ATG9A: variants seen among roughly 807,000 people sequenced by gnomAD.
The protein encoded by ATG9A is autophagy related 9A, also known as autophagy-related protein 9A.
Under a neutral mutation model 87.1 loss-of-function variants are expected in ATG9A, and 21 were observed. The observed-to-expected ratio is 0.24, with a 90% confidence interval of 0.17 to 0.35. The LOEUF is 0.35. Ranked by LOEUF, ATG9A falls within the 10% of genes least tolerant of loss-of-function variation. ATG9A has a pLI of 1.00. For missense variants in ATG9A, 836 were observed against 1,107.3 expected (o/e 0.76, Z 3.48); for synonymous variants, 422 against 441.3 (o/e 0.96, Z 0.55).
rs570442088 is a variant in ATG9A, at chr2:219,223,173, C to T, written c.1600-280G>A. 4.9e-4 allele frequency among the ~76,000 whole-genome samples: 74 copies of T among 151,668 alleles called. No homozygotes were observed. Among genetic ancestry groups the T allele is most frequent in the Admixed American group, 1.1e-3 (17 of 15,252 alleles). ...CGTGATCTCGGCTCACTGCAAGCTC[C>T]GCCTCCCAGGTTCACGCCATTCTCC... On this transcript the variant is annotated intron_variant, in intron 10 of 15. Coordinates refer to ENST00000361242, the MANE Select transcript of ATG9A (RefSeq NM_001077198.3). This position sits in a 1 kb window ranked among gnomAD's most constrained non-coding sequence, Gnocchi z 4.7.
At chr2:219,228,773 C>T (rs1183043174) in intron 1 of ATG9A, 1 of 152,236 alleles carries the variant, frequency 6.6e-6, no homozygotes, top group African/African-American at 2.4e-5. Flanking sequence ...TCTCCATTGC[C>T]CTACCTTAGC....
chr2:219,225,528 C>A lies in ATG9A; in HGVS notation c.257G>T (p.Cys86Phe), dbSNP rs1176737944. ...GGCAAATAGGATGTCATAGTCCACG[C>A]AGCTGACCAGGAAGGTAGTGAAGGC... Reference protein sequence around the residue: ...VVAFTTFLVSCVDYDILFANK... With the variant: ...VVAFTTFLVSFVDYDILFANK... Residue 86 changes from cysteine to phenylalanine, a missense_variant, in exon 6 of 16, where the codon TGC (cysteine) becomes TTC (phenylalanine). Coordinates refer to ENST00000361242, the MANE Select transcript of ATG9A (RefSeq NM_001077198.3). 6.2e-7 allele frequency: 1 copy of A among 1,614,154 alleles called. No individual in the cohort carries two copies. The highest frequency in any genetic ancestry group is 8.5e-7 in the Non-Finnish European group (1 of 1,180,016).
intron 1 of ATG9A, 77 bp from the exon 2 acceptor site, chr2:219,228,562 C>G (rs1410708237): frequency 6.5e-6 from 1 of 152,954 alleles, no homozygotes; most frequent in African/African-American, 2.4e-5. Flanking sequence ...GCCATCCACA[C>G]CCCACCAAGA....
Position 219,223,391 on chromosome 2 carries a change from T to G in ATG9A, c.1599+194A>C, listed in dbSNP as rs533136074. On this transcript the variant is annotated intron_variant, in intron 10 of 15. Coordinates refer to ENST00000361242, the MANE Select transcript of ATG9A (RefSeq NM_001077198.3). This position sits in a 1 kb window ranked among gnomAD's most constrained non-coding sequence, Gnocchi z 4.7. ...ACGTGAGCCACCGCGCCTGGCCGTGTTGTGCCTTTCTTAAGGGAGCTTGGC... is the reference window on the plus strand; with the variant it reads ...ACGTGAGCCACCGCGCCTGGCCGTGGTGTGCCTTTCTTAAGGGAGCTTGGC... Among the ~76,000 whole-genome samples, 54 of 152,264 alleles carry G rather than the reference T, an allele frequency of 3.5e-4. No homozygotes were observed. Among genetic ancestry groups the G allele is most frequent in the African/African-American group, 1.2e-3 (50 of 41,564 alleles).
Position 219,221,175 on chromosome 2 carries a change from C to G in ATG9A, c.2273G>C (p.Arg758Pro), listed in dbSNP as rs377367353. The G allele has an allele frequency of 8.7e-6, 14 of 1,603,330 alleles. No individual in the cohort carries two copies. Among genetic ancestry groups the G allele is most frequent in the Non-Finnish European group, 1.1e-5 (13 of 1,175,138 alleles). Residue 758 changes from arginine (R) to proline (P), a missense_variant, in exon 14 of 16, where the codon CGC becomes CCC. Physicochemically the swap from Arg to Pro is moderately radical, Grantham distance 103. Coordinates refer to ENST00000361242, the MANE Select transcript of ATG9A (RefSeq NM_001077198.3). Reference protein sequence around the residue: ...EGARAPQSIPRSASYPCAAPR... With the variant: ...EGARAPQSIPPSASYPCAAPR... The stretch of plus-strand genomic sequence containing the variant: ...TGCTGCACAGGGATAGCTAGCAGAG[C>G]GAGGGATAGACTGGGGGGCCCGGGC...
intron 13 of ATG9A, 135 bp downstream of exon 13, chr2:219,221,915 G>T: frequency 1.3e-6 from 1 of 775,592 alleles, no homozygotes; most frequent in Non-Finnish European, 2.0e-6. Context: ...AGCAGGCTTA[G>T]CTAAAAAGGA....
intron 13 of ATG9A, among the ~76,000 whole-genome samples, chr2:219,221,754 G>A (rs958283018): frequency 6.6e-6 from 1 of 152,122 alleles, no homozygotes; most frequent in Non-Finnish European, 1.5e-5. Flanking sequence ...AGGAGGGTGG[G>A]CAAGGGAGCC....
Position 219,220,735 on chromosome 2 carries a change from C to T in ATG9A, c.2514+12G>A, listed in dbSNP as rs1295357313. The stretch of plus-strand genomic sequence containing the variant: ...ATTTCTGGCAGTTTTTCCTAGGCCC[C>T]GGGGCCCTTACCTTGTGCACCTGAG... On this transcript the variant is annotated intron_variant, in intron 15 of 15. Coordinates refer to ENST00000361242, the MANE Select transcript of ATG9A (RefSeq NM_001077198.3). 18 of 1,610,334 alleles carry T rather than the reference C, an allele frequency of 1.1e-5. No individual in the cohort carries two copies. Among genetic ancestry groups the T allele is most frequent in the African/African-American group, 4.0e-5 (3 of 74,760 alleles).
chr2:219,220,990 T>G, intron 14 of ATG9A, 90 bp downstream of exon 14: 1 of 1,592,558 alleles, frequency 6.3e-7, no homozygotes, highest in Non-Finnish European at 8.6e-7. Flanking sequence ...TTGGGCCTGT[T>G]CTCTCAGACC....
intron 14 of ATG9A, 56 bp from the exon 15 acceptor site, chr2:219,220,948 C>G (rs1950744664): frequency 6.2e-7 from 1 of 1,606,004 alleles, no homozygotes; most frequent in South Asian, 1.1e-5. Flanking sequence ...GAATGAGGAA[C>G]AGGGCTGGGG....
Position 219,222,512 on chromosome 2 carries a change from G to A in ATG9A, c.1849-62C>T, listed in dbSNP as rs1321255127. The A allele has an allele frequency of 1.3e-6, 2 of 1,554,368 alleles. No homozygotes were observed. The highest frequency in any genetic ancestry group is 1.7e-6 in the Non-Finnish European group (2 of 1,149,392). On this transcript the variant is annotated intron_variant, in intron 11 of 15. Coordinates refer to ENST00000361242, the MANE Select transcript of ATG9A (RefSeq NM_001077198.3). The surrounding 1 kb of genome is among the most constrained non-coding windows in gnomAD (Gnocchi z 4.3). ...AGAGAAAGGTCTCTGGGGTCCCCTA[G>A]TATTCTGTATCTCAGGCCCCAGTGG...
In ATG9A at chr2:219,220,339, C is replaced by A; in HGVS notation, c.*108G>T. ...CAGGCACAGACACACAAACACCACA[C>A]ACGTGGGGCCAGGGAACACTCAGAG... On this transcript the variant is annotated 3_prime_UTR_variant, in exon 16 of 16. Coordinates refer to ENST00000361242, the MANE Select transcript of ATG9A (RefSeq NM_001077198.3). The A allele has an allele frequency of 7.0e-7, 1 of 1,429,102 alleles. No individual in the cohort carries two copies. The highest frequency in any genetic ancestry group is 9.7e-7 in the Non-Finnish European group (1 of 1,027,500). 88.5% of individuals were successfully genotyped at this position (1,429,102 alleles called of 1,614,324 possible).
intron 5 of ATG9A, among the ~76,000 whole-genome samples, chr2:219,226,168 C>T (rs969293544): frequency 2.0e-5 from 3 of 152,008 alleles, no homozygotes; most frequent in South Asian, 4.2e-4. Flanking sequence ...TGGAGTGCAG[C>T]GGCACAATCT....
At position 219,225,405 on chromosome 2, in the gene ATG9A, C is replaced by T; in HGVS notation, c.374+6G>A. The T allele has an allele frequency of 1.9e-6, 3 of 1,613,636 alleles. No individual in the cohort carries two copies. The highest frequency in any genetic ancestry group is 4.5e-5 in the East Asian group (2 of 44,888). On this transcript the variant is annotated splice_donor_region_variant and intron_variant, in intron 6 of 15. Coordinates refer to ENST00000361242, the MANE Select transcript of ATG9A (RefSeq NM_001077198.3). ...CTATGGTGTCCTCTTGACTTGCAGC[C>T]CTTACCTGGCACTACAGACTTGAGC...
At position 219,225,169 on chromosome 2, in the gene ATG9A, C is replaced by G; in HGVS notation, c.418G>C (p.Gly140Arg). The part of the protein sequence containing the change: ...GSLITILVIA[G>R]VFWIHRLIKF... The stretch of plus-strand genomic sequence containing the variant: ...ATAAGCCGGTGGATCCAGAAGACAC[C>G]AGCAATGACCAGGATGGTGATAAGG... The change falls in exon 7 of 16, where the codon GGT becomes CGT. Residue 140 changes from glycine (G) to arginine (R), a missense_variant. Around this residue, in one of 2 missense-constraint regions of ATG9A, gnomAD observed 512 missense variants for 759.6 expected, o/e 0.67. Coordinates refer to ENST00000361242, the MANE Select transcript of ATG9A (RefSeq NM_001077198.3). The G allele has an allele frequency of 1.2e-6, 2 of 1,614,090 alleles. No homozygotes were observed. Among genetic ancestry groups the G allele is most frequent in the Non-Finnish European group, 1.7e-6 (2 of 1,180,026 alleles).
chr2:219,221,882 A>T (rs1950767822), intron 13 of ATG9A, among the ~76,000 whole-genome samples, 168 bp downstream of exon 13: 2 of 152,282 alleles, frequency 1.3e-5, no homozygotes, highest in South Asian at 4.1e-4. Context: ...GGAAACTGCG[A>T]GTGTGTGAAG....
At position 219,220,312 on chromosome 2, in the gene ATG9A, G is replaced by A; in HGVS notation, c.*135C>T. On this transcript the variant is annotated 3_prime_UTR_variant, in exon 16 of 16. Coordinates refer to ENST00000361242, the MANE Select transcript of ATG9A (RefSeq NM_001077198.3). ...AAGCCCAGTGTTGGCACCTCCCTTG[G>A]CCAGGCACAGACACACAAACACCAC... 8.1e-7 allele frequency: 1 copy of A among 1,239,726 alleles called. No homozygotes were observed. Among genetic ancestry groups the A allele is most frequent in the Non-Finnish European group, 1.1e-6 (1 of 881,722 alleles). The allele number at this position is 1,239,726 out of a possible 1,614,324, so 76.8% of individuals were successfully genotyped here.
chr2:219,220,502 A>G (rs1559242100), intron 15 of ATG9A, 50 bp from the exon 16 acceptor site: 3 of 1,609,034 alleles, frequency 1.9e-6, no homozygotes, highest in Non-Finnish European at 2.6e-6. Context: ...CTTCTGGTTG[A>G]TACCTGCTAG....
Position 219,224,348 on chromosome 2 carries a change from GC to G in ATG9A, c.1022del (p.Arg341ProfsTer25). 1 of 1,613,742 alleles carries G rather than the reference GC, an allele frequency of 6.2e-7. No individual in the cohort carries two copies. Among genetic ancestry groups the G allele is most frequent in the Non-Finnish European group, 8.5e-7 (1 of 1,180,028 alleles). ...GCTCGTGCTCCAGCTCGTTGAAGTG[GC>G]GGAGGTAGCAGCGGCCATAGAGTGA... is the stretch of plus-strand genomic sequence containing the variant. The part of the protein sequence containing the change: ...CWSLYGRCYL[R>X]HFNELEHELQ... On this transcript the variant is annotated frameshift_variant, in exon 8 of 16. Transcript: ENST00000361242. LOFTEE classifies it high-confidence loss of function. This position sits in a 1 kb window ranked among gnomAD's most constrained non-coding sequence, Gnocchi z 7.7.
Sources: allele counts gnomAD v4.1 joint callset (sites outside exome capture counted in the v4.1 genomes callset), GRCh38; gene constraint gnomAD v4.1.1; regional missense constraint gnomAD v4.1.1; non-coding constraint Gnocchi (gnomAD v3.1); transcripts MANE v1.5; gene names NCBI Gene and HGNC (gene_info 2026-07-23, HGNC 2026-07-21).